DNAJC6: variants seen among roughly 807,000 people sequenced by gnomAD.
DNAJC6 encodes DnaJ heat shock protein family (Hsp40) member C6.
DNAJC6 carries 34 observed loss-of-function variants against 110.0 expected under a neutral mutation model. The ratio of observed to expected loss-of-function variants is 0.31; its 90% CI spans 0.24 to 0.41. The LOEUF (loss-of-function observed/expected upper bound fraction) is 0.41. DNAJC6 is among the 10% of genes least tolerant of loss of function. The pLI is 1.00. For missense variants in DNAJC6, 1,031 were observed against 1,207.8 expected (o/e 0.85, Z 2.17); for synonymous variants, 406 against 437.2 (o/e 0.93, Z 0.89).
At position 65,351,231 on chromosome 1, in the gene DNAJC6, C is replaced by T. The variant is rs74080579; in HGVS notation, c.194-13404C>T. ...GAGGCTCATCTTGTGTGGTTTCTTTCTTTCAAAGATCTCAGTCCTTCTTAG... is the reference window on the plus strand; with the variant it reads ...GAGGCTCATCTTGTGTGGTTTCTTTTTTTCAAAGATCTCAGTCCTTCTTAG... On this transcript the variant is annotated intron_variant, in intron 1 of 18. Coordinates refer to ENST00000371069, the MANE Select transcript of DNAJC6 (RefSeq NM_001256864.2). Among the ~76,000 whole-genome samples, 1,013 of 152,246 alleles carry T rather than the reference C, an allele frequency of 6.7e-3. 12 individuals are homozygous for T. Among genetic ancestry groups the T allele is most frequent in the African/African-American group, 0.023 (968 of 41,546 alleles).
In DNAJC6 at chr1:65,389,552, G is replaced by C. The variant is rs202225808; in HGVS notation, c.1393G>C (p.Ala465Pro). Residue 465 changes from alanine (A) to proline (P), a missense_variant, in exon 11 of 19, where the codon GCT becomes CCT. Coordinates refer to ENST00000371069, the MANE Select transcript of DNAJC6 (RefSeq NM_001256864.2). ...HQDTLALGGQ[A>P]PIDIPPDNPR... is the part of the protein sequence containing the mutation. ...ATGGTCTTTTTGTCTTGCAGGACAG[G>C]CTCCAATAGATATCCCTCCAGACAA... 1.9e-6 allele frequency: 3 copies of C among 1,614,120 alleles called. No homozygotes were observed. The highest frequency in any genetic ancestry group is 2.2e-5 in the East Asian group (1 of 44,884).
chr1:65,284,508 CTG>C (rs1653951286), intron 1 of DNAJC6, among the ~76,000 whole-genome samples: 1 of 152,134 alleles, frequency 6.6e-6, no homozygotes, highest in African/African-American at 2.4e-5. Flanking sequence ...ATCAGGATCT[CTG>C]GAGGTTTGCA....
intron 17 of DNAJC6, 72 bp from the exon 18 acceptor site, chr1:65,411,178 T>C: frequency 4.7e-6 from 7 of 1,485,322 alleles, no homozygotes; most frequent in Non-Finnish European, 6.4e-6. Flanking sequence ...AAGGGGTTTC[T>C]AGAGTCCTAG....
At chr1:65,396,396 C>G (rs4915689) in intron 13 of DNAJC6, among the ~76,000 whole-genome samples, 28,282 of 152,094 alleles carry the variant, frequency 0.19, 5,864 homozygotes, top group East Asian at 0.58. Flanking sequence ...GCCTGTGTAG[C>G]CTCTGTATGC....
intron 13 of DNAJC6, among the ~76,000 whole-genome samples, 176 bp downstream of exon 13, chr1:65,395,208 A>G (rs1023922882): frequency 1.3e-5 from 2 of 152,224 alleles, no homozygotes; most frequent in African/African-American, 4.8e-5. Context: ...GCTGTCTTAC[A>G]GGACAGAAAC....
In DNAJC6 at chr1:65,384,264, C is replaced by T; in HGVS notation, c.738C>T (p.Gly246=). The change falls in exon 6 of 19, where the codon GGC becomes GGT. Residue 246 remains glycine, a synonymous_variant. Transcript: ENST00000371069. ...FIFCNLYSTP[G]PAIRLLYAKR... Reference sequence around the variant, plus strand: ...TCTGTAATCTCTACTCTACTCCTGGCCCAGCCATTCGATTGCTATATGCAA... The same window carrying T: ...TCTGTAATCTCTACTCTACTCCTGGTCCAGCCATTCGATTGCTATATGCAA... The T allele has an allele frequency of 6.3e-7, 1 of 1,588,306 alleles. No individual in the cohort carries two copies. The highest frequency in any genetic ancestry group is 8.6e-7 in the Non-Finnish European group (1 of 1,169,062).
intron 1 of DNAJC6, among the ~76,000 whole-genome samples, chr1:65,335,161 G>A (rs1645323499): frequency 6.6e-6 from 1 of 150,864 alleles, no homozygotes; most frequent in African/African-American, 2.4e-5. Flanking sequence ...AGGCTGGAGT[G>A]CAGTGGCACG....
chr1:65,300,382 C>G (rs77636765), intron 1 of DNAJC6, among the ~76,000 whole-genome samples: 406 of 152,226 alleles, frequency 2.7e-3, no homozygotes, highest in Non-Finnish European at 4.5e-3. Context: ...ACCTACCCTC[C>G]TTTTTAAGGA....
intron 1 of DNAJC6, among the ~76,000 whole-genome samples, chr1:65,343,671 C>A (rs1214648341): frequency 1.3e-5 from 2 of 151,776 alleles, no homozygotes; most frequent in African/African-American, 4.8e-5. Flanking sequence ...GTGATGCCAG[C>A]AACTTGGATA....
chr1:65,393,017 C>T (rs367800342), intron 12 of DNAJC6, 152 bp downstream of exon 12: 10 of 725,322 alleles, frequency 1.4e-5, no homozygotes, highest in African/African-American at 9.2e-5. Context: ...AAATTGAGAG[C>T]GTAAGAGAAA....
Position 65,392,633 on chromosome 1 carries a change from G to A in DNAJC6, c.1671G>A (p.Leu557=). The A allele has an allele frequency of 6.2e-7, 1 of 1,613,582 alleles. No individual in the cohort carries two copies. Among genetic ancestry groups the A allele is most frequent in the South Asian group, 1.1e-5 (1 of 90,968 alleles). The change falls in exon 12 of 19, where the codon TTG becomes TTA. Residue 557 remains leucine (L), a synonymous_variant. Transcript: ENST00000371069. ...APPPPEDVDL[L]GLEGSAMSNS... The stretch of plus-strand genomic sequence containing the variant: ...CACCCCCTGAGGATGTGGACCTTTT[G>A]GGCCTGGAAGGGTCTGCAATGAGTA...
chr1:65,403,622 T>C (rs569962273), intron 15 of DNAJC6, among the ~76,000 whole-genome samples: 1 of 152,296 alleles, frequency 6.6e-6, no homozygotes, highest in Admixed American at 6.5e-5. Context: ...AGATGGAGCA[T>C]TTTTTAAAAA....
intron 11 of DNAJC6, among the ~76,000 whole-genome samples, chr1:65,391,613 G>A (rs1645927241): frequency 6.6e-6 from 1 of 152,148 alleles, no homozygotes; most frequent in African/African-American, 2.4e-5. Context: ...AAGACAGTGA[G>A]AAGTGTCAGC....
intron 1 of DNAJC6, among the ~76,000 whole-genome samples, chr1:65,265,288 A>G (rs964424619): frequency 2.0e-5 from 3 of 152,218 alleles, no homozygotes; most frequent in African/African-American, 7.2e-5. Context: ...TAATGAATAT[A>G]CAGGTTTTCA....
intron 1 of DNAJC6, among the ~76,000 whole-genome samples, chr1:65,289,274 C>T (rs1255281904): frequency 6.6e-6 from 1 of 152,080 alleles, no homozygotes. Flanking sequence ...CGGCTCACTG[C>T]AACCTCCACT....
chr1:65,325,385 C>T (rs1370262187), intron 1 of DNAJC6, among the ~76,000 whole-genome samples: 6 of 152,068 alleles, frequency 3.9e-5, no homozygotes, highest in Admixed American at 6.6e-5. Context: ...ATCTCTGCTG[C>T]GTGGGCTCAA....
chr1:65,285,917 C>T (rs1192054036), intron 1 of DNAJC6, among the ~76,000 whole-genome samples: 1 of 152,104 alleles, frequency 6.6e-6, no homozygotes, highest in East Asian at 1.9e-4. Context: ...GTGATCTGCC[C>T]GCCTCGGCCT....
In DNAJC6 at chr1:65,309,911, G is replaced by C. The variant is rs1251527766; in HGVS notation, c.166G>C (p.Asp56His). 2 of 1,535,360 alleles carry C rather than the reference G, an allele frequency of 1.3e-6. No homozygotes were observed. The highest frequency in any genetic ancestry group is 1.8e-6 in the Non-Finnish European group (2 of 1,139,312). The change falls in exon 1 of 19, where the codon GAC becomes CAC. Residue 56 changes from aspartate (D) to histidine (H), a missense_variant. Coordinates refer to ENST00000371069, the MANE Select transcript of DNAJC6 (RefSeq NM_001256864.2). ...GCGGAGTCCCGCCCGACAGCCTCCG[G>C]ACCGCGCCAGCACCATGGACAGCTC... is the stretch of plus-strand genomic sequence containing the variant. Reference protein sequence around the residue: ...AARSPARQPPDRASTMDSSGA... With the variant: ...AARSPARQPPHRASTMDSSGA...
chr1:65,334,728 G>A (rs1645319425), intron 1 of DNAJC6, among the ~76,000 whole-genome samples: 1 of 152,104 alleles, frequency 6.6e-6, no homozygotes, highest in African/African-American at 2.4e-5. Context: ...GTGTAGAAAG[G>A]TGGGTTGGAT....
Sources: allele counts gnomAD v4.1 joint callset (sites outside exome capture counted in the v4.1 genomes callset), GRCh38; gene constraint gnomAD v4.1.1; transcripts MANE v1.5; gene names NCBI Gene and HGNC (gene_info 2026-07-23, HGNC 2026-07-21).